SSC5D: variants seen among roughly 807,000 people sequenced by gnomAD.
SSC5D encodes the protein scavenger receptor cysteine rich family member with 5 domains.
A neutral mutation model predicts 104.6 loss-of-function variants in SSC5D; 106 were observed. The observed-to-expected ratio is 1.01, with a 90% CI of 0.87 to 1.19. The LOEUF is 1.19. SSC5D is among the 50% of genes most tolerant of loss of function. SSC5D has a pLI of 0.00. For missense variants in SSC5D, 1,993 were observed against 2,153.8 expected (o/e 0.93, Z 1.48); for synonymous variants, 860 against 883.5 (o/e 0.97, Z 0.47).
chr19:55,517,189 C>T, intron 13 of SSC5D, 35 bp from the exon 14 acceptor site: 2 of 1,514,946 alleles, frequency 1.3e-6, no homozygotes, highest in Non-Finnish European at 1.8e-6. Context: ...GCCGGTTGAC[C>T]TCAGACCGTC....
intron 12 of SSC5D, among the ~76,000 whole-genome samples, chr19:55,512,364 C>A (rs1378396521): frequency 9.2e-5 from 1 of 10,884 alleles, no homozygotes; most frequent in Admixed American, 7.9e-4. Flanking sequence ...GTGCATTTGG[C>A]CAAAAAAAAA....
At chr19:55,515,328 G>A (rs571197597) in intron 13 of SSC5D, among the ~76,000 whole-genome samples, 3 of 149,898 alleles carry the variant, frequency 2.0e-5, no homozygotes, top group Non-Finnish European at 2.9e-5. Flanking sequence ...CCCAGGAGGC[G>A]GAGATTGCAG....
At position 55,503,019 on chromosome 19, in the gene SSC5D, TG is replaced by T. The variant is rs1987547321; in HGVS notation, c.2785+1820del. ...TTAGTAGAGACGGGTTTCACCATGTTGGCCAGGCTGGTCTCAAATTCCTGAC... is the reference window on the plus strand; with the variant it reads ...TTAGTAGAGACGGGTTTCACCATGTTGCCAGGCTGGTCTCAAATTCCTGAC... On this transcript the variant is annotated intron_variant, in intron 12 of 13. Transcript: ENST00000389623. The surrounding 1 kb of genome is among the most constrained non-coding windows in gnomAD (Gnocchi z 4.0). 1.3e-5 allele frequency among the ~76,000 whole-genome samples: 2 copies of T among 152,144 alleles called. No individual in the cohort carries two copies. Among genetic ancestry groups the T allele is most frequent in the African/African-American group, 4.8e-5 (2 of 41,426 alleles).
Position 55,500,642 on chromosome 19 carries a change from C to A in SSC5D, c.2455C>A (p.Arg819=), listed in dbSNP as rs1041780494. Residue 819 remains arginine (R), a synonymous_variant, in exon 11 of 14, where the codon CGG becomes AGG. Coordinates refer to ENST00000389623, the MANE Select transcript of SSC5D (RefSeq NM_001144950.2). This position sits in a 1 kb window ranked among gnomAD's most constrained non-coding sequence, Gnocchi z 4.6. ...CTGGGAACTGGGCTGTGGAAAGGTCCGGCCTCGAGTAGGCAAAACCCATTA... is the reference window on the plus strand; with the variant it reads ...CTGGGAACTGGGCTGTGGAAAGGTCAGGCCTCGAGTAGGCAAAACCCATTA... ...ACWELGCGKV[R]PRVGKTHYGP... 7.8e-5 allele frequency: 121 copies of A among 1,551,618 alleles called. No homozygotes were observed. Among genetic ancestry groups the A allele is most frequent in the Non-Finnish European group, 9.7e-5 (111 of 1,147,030 alleles).
rs1471650106 is a variant in SSC5D at position 55,490,824 on chromosome 19, C to T, written c.639C>T (p.Val213=). The T allele has an allele frequency of 6.5e-7, 1 of 1,547,274 alleles. No individual in the cohort carries two copies. Among genetic ancestry groups the T allele is most frequent in the Non-Finnish European group, 8.7e-7 (1 of 1,145,688 alleles). Residue 213 remains valine, a synonymous_variant, in exon 6 of 14, where the codon GTC becomes GTT. Coordinates refer to ENST00000389623, the MANE Select transcript of SSC5D (RefSeq NM_001144950.2). ...GPHRCAGRLE[V]WHGGRWGTVC... ...ACAGGTGCGCCGGACGCCTGGAGGT[C>T]TGGCACGGCGGGCGCTGGGGCACCG...
At chr19:55,496,004 G>A (rs11880901) in intron 8 of SSC5D, among the ~76,000 whole-genome samples, 62,136 of 149,394 alleles carry the variant, frequency 0.42, 13,199 homozygotes, top group South Asian at 0.56. Context: ...GCCTCCCTAA[G>A]TGCTGGGATT....
rs1412931481 is a variant in SSC5D, at chr19:55,518,787, T to TG, written c.4512dup (p.Gln1505AlafsTer36). ...GCTGTGAGGGATGTGGGTGGTCAGC[T>TG]GCAGAGACTGACCCAGGTCGTGGAA... On this transcript the variant is annotated frameshift_variant, in exon 14 of 14. Coordinates refer to ENST00000389623, the MANE Select transcript of SSC5D (RefSeq NM_001144950.2). LOFTEE classifies it high-confidence loss of function. The TG allele has an allele frequency of 1.3e-6, 2 of 1,550,602 alleles. No homozygotes were observed. The highest frequency in any genetic ancestry group is 1.7e-6 in the Non-Finnish European group (2 of 1,146,960).
intron 12 of SSC5D, among the ~76,000 whole-genome samples, chr19:55,508,147 G>T (rs1987679219): frequency 6.6e-6 from 1 of 152,140 alleles, no homozygotes; most frequent in Non-Finnish European, 1.5e-5. Flanking sequence ...CCTGGGCTGA[G>T]GATATAACTT....
At position 55,500,269 on chromosome 19, in the gene SSC5D, G is replaced by T; in HGVS notation, c.2159G>T (p.Gly720Val). ...ACCATGGCAATGCTGACCACTCAAG[G>T]CCCCCAAGAAATGACCTCTGAGTCC... Reference protein sequence around the residue: ...TKTMAMLTTQGPQEMTSESTI... With the variant: ...TKTMAMLTTQVPQEMTSESTI... Residue 720 changes from glycine (G) to valine (V), a missense_variant, in exon 10 of 14, where the codon GGC becomes GTC. Transcript: ENST00000389623. The surrounding 1 kb of genome is among the most constrained non-coding windows in gnomAD (Gnocchi z 4.6). 9 of 1,551,058 alleles carry T rather than the reference G, an allele frequency of 5.8e-6. No individual in the cohort carries two copies. The highest frequency in any genetic ancestry group is 7.8e-6 in the Non-Finnish European group (9 of 1,146,904).
intron 1 of SSC5D, 62 bp downstream of exon 1, chr19:55,488,676 C>A: frequency 6.8e-7 from 1 of 1,468,134 alleles, no homozygotes; most frequent in Non-Finnish European, 9.3e-7. Flanking sequence ...GACCCCTTAG[C>A]TTGTCCAGTT....
chr19:55,501,832 C>T (rs902308338), intron 12 of SSC5D, among the ~76,000 whole-genome samples: 2 of 152,304 alleles, frequency 1.3e-5, no homozygotes, highest in East Asian at 3.9e-4. Context: ...TCCTTGTATC[C>T]CCATCTCTCA....
rs955167443 is a variant in SSC5D, at chr19:55,517,212, C to T, written c.2948-12C>T. On this transcript the variant is annotated splice_polypyrimidine_tract_variant and intron_variant, in intron 13 of 13. Transcript: ENST00000389623. ...ACCTCAGACCGTCCGTCTGTCTTTCCTCCTCCTCCAGGTTCCCCGAGGAAA... is the reference window on the plus strand; with the variant it reads ...ACCTCAGACCGTCCGTCTGTCTTTCTTCCTCCTCCAGGTTCCCCGAGGAAA... The T allele has an allele frequency of 2.0e-6, 3 of 1,532,426 alleles. No homozygotes were observed. Among genetic ancestry groups the T allele is most frequent in the Non-Finnish European group, 1.7e-6 (2 of 1,144,362 alleles). The allele number at this position is 1,532,426 out of a possible 1,614,324, so 94.9% of individuals were successfully genotyped here.
chr19:55,494,912 C>G, intron 8 of SSC5D, 129 bp downstream of exon 8: 1 of 1,095,648 alleles, frequency 9.1e-7, no homozygotes, highest in Non-Finnish European at 1.3e-6. Flanking sequence ...GGGGCCTCGC[C>G]CAGGACACTG....
intron 6 of SSC5D, chr19:55,492,082 A>T (rs1219703069): frequency 6.6e-6 from 1 of 152,290 alleles, no homozygotes; most frequent in African/African-American, 2.4e-5. Context: ...TGCGCTGTGC[A>T]CGTTACCTGG....
In SSC5D at chr19:55,503,056, G is replaced by A. The variant is rs933253149; in HGVS notation, c.2785+1855G>A. 4.0e-5 allele frequency among the ~76,000 whole-genome samples: 6 copies of A among 151,830 alleles called. No homozygotes were observed. Among genetic ancestry groups the A allele is most frequent in the Non-Finnish European group, 5.9e-5 (4 of 67,974 alleles). On this transcript the variant is annotated intron_variant, in intron 12 of 13. Transcript: ENST00000389623. The surrounding 1 kb of genome is among the most constrained non-coding windows in gnomAD (Gnocchi z 4.0). ...TCTCAAATTCCTGACCTCGTGATCC[G>A]CCTGCCTCGGCCTCCCAAAGTGCTG...
chr19:55,489,175 C>A (rs1987053970), intron 2 of SSC5D, 143 bp downstream of exon 2: 6 of 970,374 alleles, frequency 6.2e-6, no homozygotes, highest in Non-Finnish European at 8.7e-6. Flanking sequence ...GCAAGGGAAT[C>A]CCCCAGGTGT....
chr19:55,493,572 G>C (rs1987212687), intron 6 of SSC5D, 23 bp from the exon 7 acceptor site: 1 of 1,413,650 alleles, frequency 7.1e-7, no homozygotes, highest in Non-Finnish European at 9.1e-7. Context: ...TCCTGGCCCT[G>C]TGCTCCCTCT....
rs1412242326 is a variant in SSC5D, at chr19:55,500,394, A to G, written c.2284A>G (p.Ser762Gly). 3.9e-6 allele frequency: 6 copies of G among 1,550,974 alleles called. No homozygotes were observed. Among genetic ancestry groups the G allele is most frequent in the Admixed American group, 2.0e-5 (1 of 50,962 alleles). Reference protein sequence around the residue: ...PKDPAPSPSVSTTGESGLFRV... With the variant: ...PKDPAPSPSVGTTGESGLFRV... ...AGACCCGGCCCCCTCTCCCAGTGTT[A>G]GCACCACTGGGGAATCAGGTGAGTG... Residue 762 changes from serine to glycine, a missense_variant, in exon 10 of 14, where the codon AGC (serine) becomes GGC (glycine). Coordinates refer to ENST00000389623, the MANE Select transcript of SSC5D (RefSeq NM_001144950.2). The surrounding 1 kb of genome is among the most constrained non-coding windows in gnomAD (Gnocchi z 4.6).
At position 55,518,215 on chromosome 19, in the gene SSC5D, C is replaced by T; in HGVS notation, c.3939C>T (p.Pro1313=). 6.8e-7 allele frequency: 1 copy of T among 1,473,920 alleles called. No homozygotes were observed. The highest frequency in any genetic ancestry group is 9.1e-7 in the Non-Finnish European group (1 of 1,103,512). The allele number at this position is 1,473,920 out of a possible 1,614,324, so 91.3% of individuals were successfully genotyped here. A position where few individuals can be genotyped will look rare whatever the true frequency, so the allele number is the denominator to read the frequency against. ...MTPDPTTTPY[P]TTTPDPTTTP... ...CTGACCCCACCACGACCCCTTACCC[C>T]ACCACTACTCCTGATCCCACCACGA... is the stretch of plus-strand genomic sequence containing the variant. Residue 1313 remains proline (P), a synonymous_variant, in exon 14 of 14, where the codon CCC becomes CCT. Coordinates refer to ENST00000389623, the MANE Select transcript of SSC5D (RefSeq NM_001144950.2).
Sources: allele counts gnomAD v4.1 joint callset (sites outside exome capture counted in the v4.1 genomes callset), GRCh38; gene constraint gnomAD v4.1.1; non-coding constraint Gnocchi (gnomAD v3.1); transcripts MANE v1.5; gene names NCBI Gene and HGNC (gene_info 2026-07-23, HGNC 2026-07-21).